The following APC variants were observed in gnomAD, a reference collection of about 807,000 sequenced individuals.
APC encodes the protein APC regulator of Wnt signaling pathway, also known as adenomatous polyposis coli protein.
In APC, 72 loss-of-function variants were observed where a neutral mutation model predicts 247.0. The ratio of observed to expected loss-of-function variants is 0.29; its 90% CI spans 0.24 to 0.35. The LOEUF is 0.35. APC is among the 10% of genes least tolerant of loss of function. The pLI is 1.00. For missense variants in APC, 3,400 were observed against 3,360.7 expected, an observed-to-expected ratio of 1.01 and a Z score of -0.29; for synonymous variants, 1,254 against 1,162.5, an observed-to-expected ratio of 1.08 and a Z score of -1.60.
At chr5:112,754,308 A>G (rs948825287) in intron 1 of APC, among the ~76,000 whole-genome samples, 2 of 152,328 alleles carry the variant, frequency 1.3e-5, no homozygotes, top group Non-Finnish European at 2.9e-5. Flanking sequence ...GCTCTCCTTC[A>G]TGTCCATTTT....
chr5:112,759,412 C>T (rs1561451549), intron 2 of APC, among the ~76,000 whole-genome samples: 1 of 138,844 alleles, frequency 7.2e-6, no homozygotes, highest in South Asian at 2.2e-4. Context: ...GGCTGGAGTG[C>T]AGTGACATGA....
At chr5:112,753,515 G>A (rs897947939) in intron 1 of APC, among the ~76,000 whole-genome samples, 1 of 152,136 alleles carries the variant, frequency 6.6e-6, no homozygotes, top group Non-Finnish European at 1.5e-5. Flanking sequence ...TAAAATGAAA[G>A]GGCAAAGATT....
chr5:112,755,248 T>G lies in APC; in HGVS notation c.135+223T>G, dbSNP rs73791451. 5.8e-3 allele frequency among the ~76,000 whole-genome samples: 888 copies of G among 152,358 alleles called. 9 individuals carry two copies. Among genetic ancestry groups the G allele is most frequent in the African/African-American group, 0.02 (839 of 41,590 alleles). ...TAAGTGTAAAACTCCAATGGCTAGT[T>G]AGTTCTTAGTTCTTTTTAAGATTAA... On this transcript the variant is annotated intron_variant, in intron 2 of 15. Transcript: ENST00000257430.
chr5:112,797,085 C>G (rs988078211), intron 7 of APC, among the ~76,000 whole-genome samples: 1 of 151,934 alleles, frequency 6.6e-6, no homozygotes, highest in Admixed American at 6.6e-5. Context: ...TGTATCTGTT[C>G]AAAACTTTTT....
chr5:112,761,176 C>G (rs1471079087), intron 2 of APC, among the ~76,000 whole-genome samples: 1 of 152,092 alleles, frequency 6.6e-6, no homozygotes, highest in Non-Finnish European at 1.5e-5. Flanking sequence ...AAAAGGCAGA[C>G]TCTCTAGAGG....
Position 112,821,754 on chromosome 5 carries a change from C to G in APC, c.1313-142C>G, listed in dbSNP as rs548868356. On this transcript the variant is annotated intron_variant, in intron 10 of 15. Coordinates refer to ENST00000257430, the MANE Select transcript of APC (RefSeq NM_000038.6). ...TCCACATTTGTAGTATTTATTCATCCTTTCAGCAAATATTTGTTGATCCAC... is the reference window on the plus strand; with the variant it reads ...TCCACATTTGTAGTATTTATTCATCGTTTCAGCAAATATTTGTTGATCCAC... 36 of 670,778 alleles carry G rather than the reference C, an allele frequency of 5.4e-5. No individual in the cohort carries two copies. The East Asian group carries it at 8.5e-4, about 16-fold the overall frequency. The allele number at this position is 670,778 out of a possible 1,614,324, so 41.6% of individuals were successfully genotyped here. A position where few individuals can be genotyped will look rare whatever the true frequency, so the allele number is the denominator to read the frequency against.
At chr5:112,833,900 A>G (rs1009357267) in intron 14 of APC, among the ~76,000 whole-genome samples, 26 of 152,150 alleles carry the variant, frequency 1.7e-4, no homozygotes, top group African/African-American at 6.3e-4. Flanking sequence ...TCATTTAATA[A>G]TACTTCCAAG....
At position 112,842,089 on chromosome 5, in the gene APC, A is replaced by C. The variant is rs2149966196; in HGVS notation, c.6495A>C (p.Pro2165=). 1 of 1,611,078 alleles carries C rather than the reference A, an allele frequency of 6.2e-7. No individual in the cohort carries two copies. The highest frequency in any genetic ancestry group is 8.5e-7 in the Non-Finnish European group (1 of 1,177,474). ...EEKPFTSNKG[P]RILKPGEKST... is the part of the protein sequence containing the mutation. ...AACCCTTTACAAGTAATAAAGGCCC[A>C]CGAATTCTAAAACCAGGGGAGAAAA... Residue 2165 remains proline, a synonymous_variant, in exon 16 of 16, where the codon CCA becomes CCC. Coordinates refer to ENST00000257430, the MANE Select transcript of APC (RefSeq NM_000038.6).
chr5:112,843,885 C>G lies in APC; in HGVS notation c.8291C>G (p.Ser2764Cys), dbSNP rs1057520223. The G allele has an allele frequency of 4.3e-6, 7 of 1,613,794 alleles. No individual in the cohort carries two copies. Among genetic ancestry groups the G allele is most frequent in the Non-Finnish European group, 5.1e-6 (6 of 1,179,844 alleles). ...ATAGTGGAACGTACCCCATTCAGTT[C>G]TAGCAGCTCAAGCAAACACAGTTCA... ...SSIVERTPFS[S>C]SSSSKHSSPS... is the part of the protein sequence containing the mutation. The change falls in exon 16 of 16, where the codon TCT becomes TGT. Residue 2764 changes from serine (S) to cysteine (C), a missense_variant. This residue lies in a region of APC where 1,788 missense variants were observed against 1,649.5 expected (regional missense o/e 1.08). Coordinates refer to ENST00000257430, the MANE Select transcript of APC (RefSeq NM_000038.6). This position sits in a 1 kb window ranked among gnomAD's most constrained non-coding sequence, Gnocchi z 4.8.
At chr5:112,763,994 T>G (rs935136949) in intron 2 of APC, among the ~76,000 whole-genome samples, 1 of 151,708 alleles carries the variant, frequency 6.6e-6, no homozygotes, top group South Asian at 2.1e-4. Flanking sequence ...TCCCAGCACT[T>G]TGGGAGGCTG....
At chr5:112,718,955 G>T (rs957847284) in intron 1 of APC, among the ~76,000 whole-genome samples, 1 of 152,152 alleles carries the variant, frequency 6.6e-6, no homozygotes, top group East Asian at 1.9e-4. Flanking sequence ...TTAAAGTTAG[G>T]TTAGTTCCTA....
intron 1 of APC, among the ~76,000 whole-genome samples, chr5:112,741,991 A>G (rs79818618): frequency 0.011 from 1,678 of 152,292 alleles, 24 homozygotes; most frequent in Non-Finnish European, 0.013. Context: ...GTTCCATTGC[A>G]TGTATATGCC....
At chr5:112,755,944 CAA>C (rs71708215) in intron 2 of APC, among the ~76,000 whole-genome samples, 7 of 128,022 alleles carry the variant, frequency 5.5e-5, no homozygotes, top group Admixed American at 8.0e-5. Context: ...ACCCCATTCT[CAA>C]AAAAAAAAAA....
At chr5:112,790,460 G>A (rs1181188816) in intron 6 of APC, among the ~76,000 whole-genome samples, 1 of 151,874 alleles carries the variant, frequency 6.6e-6, no homozygotes, top group African/African-American at 2.4e-5. Flanking sequence ...CGAGTAGCTG[G>A]GATTACAGGC....
chr5:112,729,131 C>T (rs954688902), intron 1 of APC, among the ~76,000 whole-genome samples: 3 of 152,202 alleles, frequency 2.0e-5, no homozygotes, highest in African/African-American at 7.2e-5. Flanking sequence ...TATAAATTGT[C>T]TTACTCATTA....
chr5:112,799,467 C>G (rs932858406), intron 7 of APC, among the ~76,000 whole-genome samples: 1 of 152,138 alleles, frequency 6.6e-6, no homozygotes, highest in African/African-American at 2.4e-5. Flanking sequence ...CTTCTTTTAT[C>G]TCTGTCACTG....
upstream of APC, among the ~76,000 whole-genome samples, chr5:112,736,598 G>A (rs1158825628): frequency 6.6e-6 from 1 of 152,036 alleles, no homozygotes; most frequent in Non-Finnish European, 1.5e-5. Flanking sequence ...ATTAAGAAAC[G>A]ATTATAATAT....
chr5:112,787,300 A>G (rs1353706713), intron 6 of APC, among the ~76,000 whole-genome samples: 1 of 152,242 alleles, frequency 6.6e-6, no homozygotes, highest in East Asian at 1.9e-4. Context: ...AGTAGGCCCT[A>G]GTTTGCTGAC....
rs1554084377 is a variant in APC at position 112,838,279 on chromosome 5, A to G, written c.2685A>G (p.Ser895=). 4 of 1,614,230 alleles carry G rather than the reference A, an allele frequency of 2.5e-6. No homozygotes were observed. Among genetic ancestry groups the G allele is most frequent in the Non-Finnish European group, 2.5e-6 (3 of 1,180,034 alleles). ...AQIAKVMEEV[S]AIHTSQEDRS... ...TTGCCAAAGTCATGGAAGAAGTGTC[A>G]GCCATTCATACCTCTCAGGAAGACA... The change falls in exon 16 of 16, where the codon TCA becomes TCG. Residue 895 remains serine (S), a synonymous_variant. Coordinates refer to ENST00000257430, the MANE Select transcript of APC (RefSeq NM_000038.6).
Sources: allele counts gnomAD v4.1 joint callset (sites outside exome capture counted in the v4.1 genomes callset), GRCh38; gene constraint gnomAD v4.1.1; regional missense constraint gnomAD v4.1.1; non-coding constraint Gnocchi (gnomAD v3.1); transcripts MANE v1.5; gene names NCBI Gene and HGNC (gene_info 2026-07-23, HGNC 2026-07-21).